The following NDUFA10 variants were observed in gnomAD, a reference collection of about 807,000 sequenced individuals.
The protein encoded by NDUFA10 is NADH dehydrogenase [ubiquinone] 1 alpha subcomplex subunit 10, mitochondrial.
Under a neutral mutation model 47.8 loss-of-function variants are expected in NDUFA10, and 40 were observed. The ratio of observed to expected loss-of-function variants is 0.84; its 90% CI spans 0.65 to 1.09. The LOEUF (loss-of-function observed/expected upper bound fraction) is 1.09. NDUFA10 is among the 50% of genes least tolerant of loss of function. The pLI is 0.00. For missense variants in NDUFA10, 413 were observed against 451.1 expected, an observed-to-expected ratio of 0.92 and a Z score of 0.76; for synonymous variants, 183 against 172.2, an observed-to-expected ratio of 1.06 and a Z score of -0.49.
chr2:239,940,621 A>C (rs1694344807), intron 4 of NDUFA10, among the ~76,000 whole-genome samples: 1 of 152,264 alleles, frequency 6.6e-6, no homozygotes, highest in African/African-American at 2.4e-5. Context: ...TCTCATAGAA[A>C]TATAAAAAGG....
chr2:239,929,703 T>C (rs1257370168), intron 4 of NDUFA10, among the ~76,000 whole-genome samples: 191 of 63,018 alleles, frequency 3.0e-3, no homozygotes, highest in Middle Eastern at 0.015. Flanking sequence ...TCCACTGCTC[T>C]TGCTCCTCCG....
intron 5 of NDUFA10, chr2:240,014,041 GC>G (rs1459026854): frequency 2.0e-5 from 3 of 152,120 alleles, no homozygotes; most frequent in Non-Finnish European, 4.4e-5. Context: ...CCGAGATCGT[GC>G]CACTGCACTC....
At chr2:239,909,817 A>G (rs933422515) in intron 4 of NDUFA10, among the ~76,000 whole-genome samples, 2 of 152,200 alleles carry the variant, frequency 1.3e-5, no homozygotes, top group African/African-American at 4.8e-5. Context: ...TGAACAGGCA[A>G]CCTACAGAGT....
At chr2:239,916,816 C>T (rs1693888435) in intron 4 of NDUFA10, among the ~76,000 whole-genome samples, 1 of 152,212 alleles carries the variant, frequency 6.6e-6, no homozygotes, top group African/African-American at 2.4e-5. Context: ...AGGAGCAGCC[C>T]TCACGGCCTC....
At chr2:240,009,156 C>A (rs757394807) in intron 6 of NDUFA10, among the ~76,000 whole-genome samples, 1 of 152,178 alleles carries the variant, frequency 6.6e-6, no homozygotes, top group Non-Finnish European at 1.5e-5. Context: ...TCCTCACCCA[C>A]CTTAGAACAA....
At chr2:239,963,428 G>A (rs1694936032) in intron 9 of NDUFA10, among the ~76,000 whole-genome samples, 5 of 152,220 alleles carry the variant, frequency 3.3e-5, no homozygotes, top group Admixed American at 3.3e-4. Flanking sequence ...GTGACTTTCT[G>A]GCTTCACAGT....
chr2:239,939,012 C>T (rs1694315759), intron 4 of NDUFA10, among the ~76,000 whole-genome samples: 1 of 152,154 alleles, frequency 6.6e-6, no homozygotes, highest in South Asian at 2.1e-4. Flanking sequence ...TTGGGGGAAA[C>T]AGTGCTCGGC....
At chr2:239,976,518 C>A (rs1695528713) in intron 9 of NDUFA10, 1 of 152,338 alleles carries the variant, frequency 6.6e-6, no homozygotes, top group Non-Finnish European at 1.5e-5. Context: ...ACATCCCTAC[C>A]CTCTCACGGG....
At position 239,906,878 on chromosome 2, in the gene NDUFA10, T is replaced by C. The variant is rs1038177965; in HGVS notation, c.295-11564A>G. The stretch of plus-strand genomic sequence containing the variant: ...AATGCCATCCCCACCAAGCTACCAA[T>C]GACTTTCTTCACAAAATTGGAAAAA... On this transcript the variant is annotated intron_variant, in intron 4 of 5. Coordinates refer to the NDUFA10 transcript ENST00000419408. The surrounding 1 kb of genome is among the most constrained non-coding windows in gnomAD (Gnocchi z 4.3). Among the ~76,000 whole-genome samples, 14 of 152,212 alleles carry C rather than the reference T, an allele frequency of 9.2e-5. No individual in the cohort carries two copies. The highest frequency in any genetic ancestry group is 1.8e-4 in the Non-Finnish European group (12 of 68,038).
At chr2:239,931,024 C>T (rs928119768) in intron 4 of NDUFA10, among the ~76,000 whole-genome samples, 4 of 152,058 alleles carry the variant, frequency 2.6e-5, no homozygotes, top group African/African-American at 7.2e-5. Flanking sequence ...TGGAGAATGG[C>T]GTTTAGCTTT....
At chr2:239,952,864 C>T (rs982440900), downstream of NDUFA10, among the ~76,000 whole-genome samples, 27 of 152,222 alleles carry the variant, frequency 1.8e-4, no homozygotes, top group East Asian at 1.9e-4. Flanking sequence ...GCACAGCTGC[C>T]GACGCCAGCC....
At chr2:239,984,576 A>G (rs1695921646) in intron 9 of NDUFA10, among the ~76,000 whole-genome samples, 1 of 152,246 alleles carries the variant, frequency 6.6e-6, no homozygotes, top group African/African-American at 2.4e-5. Context: ...ACAAAACCAC[A>G]TAAAACACAG....
intron 1 of NDUFA10, among the ~76,000 whole-genome samples, chr2:240,024,600 G>A (rs879311657): frequency 6.6e-6 from 1 of 152,166 alleles, no homozygotes; most frequent in African/African-American, 2.4e-5. Flanking sequence ...AAAATCCATA[G>A]AACCTTATAG....
chr2:239,986,809 T>A (rs1696020640), intron 9 of NDUFA10, among the ~76,000 whole-genome samples: 1 of 152,126 alleles, frequency 6.6e-6, no homozygotes, highest in African/African-American at 2.4e-5. Flanking sequence ...TCAAAGTATG[T>A]CCCCCTCAAA....
At chr2:239,986,190 C>T (rs570922131) in intron 9 of NDUFA10, among the ~76,000 whole-genome samples, 1 of 152,244 alleles carries the variant, frequency 6.6e-6, no homozygotes, top group Admixed American at 6.5e-5. Context: ...AGTTTGGAAG[C>T]ACTGAAAGAA....
At chr2:240,019,385 G>A (rs772097553) in intron 3 of NDUFA10, among the ~76,000 whole-genome samples, 3 of 152,214 alleles carry the variant, frequency 2.0e-5, no homozygotes, top group Non-Finnish European at 4.4e-5. Flanking sequence ...TGAGATGGGA[G>A]CAAGCTGCAC....
chr2:240,023,932 G>A (rs1697746301), intron 1 of NDUFA10, among the ~76,000 whole-genome samples: 1 of 152,222 alleles, frequency 6.6e-6, no homozygotes, highest in Non-Finnish European at 1.5e-5. Context: ...GTTGAAACAA[G>A]ATACCACTAC....
chr2:239,962,397 CCA>C (rs1431137481), intron 9 of NDUFA10, among the ~76,000 whole-genome samples: 10 of 152,312 alleles, frequency 6.6e-5, no homozygotes, highest in African/African-American at 2.4e-4. Flanking sequence ...CTGGCCTCTG[CCA>C]CAGTGGCCAC....
intron 4 of NDUFA10, among the ~76,000 whole-genome samples, chr2:239,942,338 T>C (rs1694373026): frequency 6.6e-6 from 1 of 152,242 alleles, no homozygotes; most frequent in South Asian, 2.1e-4. Flanking sequence ...GGGTGCAGCC[T>C]AGACACCTGC....
Sources: allele counts gnomAD v4.1 joint callset (sites outside exome capture counted in the v4.1 genomes callset), GRCh38; gene constraint gnomAD v4.1.1; non-coding constraint Gnocchi (gnomAD v3.1); transcripts MANE v1.5; gene names NCBI Gene and HGNC (gene_info 2026-07-23, HGNC 2026-07-21).